The following UGT1A10 variants were observed in gnomAD, a reference collection of about 807,000 sequenced individuals.
UGT1A10 encodes UDP glucuronosyltransferase family 1 member A10, also known as UDP-glucuronosyltransferase 1A10.
In UGT1A10, 49 loss-of-function variants were observed where a neutral mutation model predicts 45.8. The observed-to-expected ratio is 1.07, with a 90% confidence interval of 0.85 to 1.36. UGT1A10 has a LOEUF of 1.36. UGT1A10 is among the 40% of genes most tolerant of loss of function. UGT1A10 has a pLI of 0.00. For synonymous variants in UGT1A10, 284 were observed against 249.7 expected, an observed-to-expected ratio of 1.14 and a Z score of -1.29; for missense variants, 745 against 668.6, an observed-to-expected ratio of 1.11 and a Z score of -1.26.
Position 233,712,979 on chromosome 2 carries a change from G to A in UGT1A10, c.856-54055G>A, listed in dbSNP as rs45540735. The A allele has an allele frequency of 3.7e-5, 59 of 1,613,170 alleles. 1 individual carries two copies. In the East Asian group the frequency reaches 7.8e-4, roughly 21 times the overall value. On this transcript the variant is annotated intron_variant, in intron 1 of 4. Transcript: ENST00000344644. Reference sequence around the variant, plus strand: ...GTGGGGTGGACAGTCAGCTGTCGGTGGCTTCTGCTGAGATGGCCACAGGAC... The same window carrying A: ...GTGGGGTGGACAGTCAGCTGTCGGTAGCTTCTGCTGAGATGGCCACAGGAC...
intron 1 of UGT1A10, among the ~76,000 whole-genome samples, chr2:233,645,328 C>A (rs1218627275): frequency 6.6e-6 from 1 of 152,148 alleles, no homozygotes; most frequent in Non-Finnish European, 1.5e-5. Context: ...GGGGACACAG[C>A]CAAACCATAT....
intron 1 of UGT1A10, among the ~76,000 whole-genome samples, chr2:233,724,704 C>T (rs867669613): frequency 2.8e-5 from 4 of 144,994 alleles, no homozygotes; most frequent in Non-Finnish European, 6.0e-5. Flanking sequence ...AGACGCTCCT[C>T]GCTTTCCAGA....
chr2:233,682,141 A>G (rs766652612), intron 1 of UGT1A10: 3 of 1,614,192 alleles, frequency 1.9e-6, no homozygotes, highest in Admixed American at 1.7e-5. Flanking sequence ...AACTGGGAAG[A>G]TCACTGAATT....
chr2:233,656,847 C>T lies in UGT1A10; in HGVS notation c.855+19470C>T, dbSNP rs2073864194. 2.6e-5 allele frequency among the ~76,000 whole-genome samples: 4 copies of T among 152,034 alleles called. No individual in the cohort carries two copies. In the South Asian group the frequency reaches 6.2e-4, roughly 24 times the overall value. ...CTTAGTATTTTCTTTTCAGTTTACA[C>T]GTTCCTGGGCATCCCTATTAAGATG... is the stretch of plus-strand genomic sequence containing the variant. On this transcript the variant is annotated intron_variant, in intron 1 of 4. Coordinates refer to ENST00000344644, the MANE Select transcript of UGT1A10 (RefSeq NM_019075.4).
At chr2:233,710,145 TATC>T (rs1430015885) in intron 1 of UGT1A10, among the ~76,000 whole-genome samples, 2 of 152,254 alleles carry the variant, frequency 1.3e-5, no homozygotes, top group African/African-American at 4.8e-5. Context: ...TGTATAGATA[TATC>T]ATCATTTGCT....
chr2:233,672,340 T>A (rs374130776), intron 1 of UGT1A10: 1 of 1,614,050 alleles, frequency 6.2e-7, no homozygotes, highest in African/African-American at 1.3e-5. Context: ...ATTAGTAGAA[T>A]ACTTAAAGGA....
chr2:233,721,867 A>G (rs1329615455), intron 1 of UGT1A10: 1 of 503,090 alleles, frequency 2.0e-6, no homozygotes, highest in African/African-American at 1.9e-5. Context: ...GGCCCTGGGC[A>G]CACTTGCCAG....
At chr2:233,749,097 G>C (rs753925486) in intron 1 of UGT1A10, among the ~76,000 whole-genome samples, 1 of 151,770 alleles carries the variant, frequency 6.6e-6, no homozygotes, top group Non-Finnish European at 1.5e-5. Context: ...TATTTCATGA[G>C]AGAATTCAGC....
At chr2:233,747,229 C>A in intron 1 of UGT1A10, 1 of 1,605,300 alleles carries the variant, frequency 6.2e-7, no homozygotes, top group Non-Finnish European at 8.5e-7. Flanking sequence ...CACAGGACCC[C>A]AGGTTCCCCT....
At chr2:233,642,877 T>A (rs1231716156) in intron 1 of UGT1A10, among the ~76,000 whole-genome samples, 1 of 152,146 alleles carries the variant, frequency 6.6e-6, no homozygotes, top group Non-Finnish European at 1.5e-5. Flanking sequence ...AGAGTCTCTC[T>A]CTCTCTCTCA....
intron 1 of UGT1A10, among the ~76,000 whole-genome samples, chr2:233,736,536 T>C (rs1265861368): frequency 6.6e-6 from 1 of 152,240 alleles, no homozygotes; most frequent in African/African-American, 2.4e-5. Flanking sequence ...TCATTCTCTT[T>C]CCAGCTTTGC....
At chr2:233,721,074 A>G (rs2076920580) in intron 1 of UGT1A10, among the ~76,000 whole-genome samples, 1 of 152,036 alleles carries the variant, frequency 6.6e-6, no homozygotes, top group African/African-American at 2.4e-5. Flanking sequence ...AATTTATATG[A>G]ACTTCCATGA....
At chr2:233,700,286 G>A (rs758279601) in intron 1 of UGT1A10, among the ~76,000 whole-genome samples, 17 of 152,194 alleles carry the variant, frequency 1.1e-4, no homozygotes, top group Admixed American at 7.9e-4. Flanking sequence ...TTTAAAATAC[G>A]TGACTTAGGC....
chr2:233,698,203 C>T (rs1223732655), intron 1 of UGT1A10, among the ~76,000 whole-genome samples: 1 of 152,214 alleles, frequency 6.6e-6, no homozygotes, highest in South Asian at 2.1e-4. Context: ...TCAACATGCA[C>T]TTTTAATTAT....
At chr2:233,719,976 C>T (rs771566532) in intron 1 of UGT1A10, among the ~76,000 whole-genome samples, 2 of 152,122 alleles carry the variant, frequency 1.3e-5, no homozygotes, top group African/African-American at 2.4e-5. Flanking sequence ...TCCTTCAGCT[C>T]GGCAGGATCA....
At chr2:233,765,397 A>G (rs1698823781) in intron 1 of UGT1A10, among the ~76,000 whole-genome samples, 1 of 152,238 alleles carries the variant, frequency 6.6e-6, no homozygotes, top group South Asian at 2.1e-4. Context: ...AAAATGTGGT[A>G]CATATACACC....
At chr2:233,760,982 C>T (rs147640261) in intron 1 of UGT1A10, 5 of 1,614,220 alleles carry the variant, frequency 3.1e-6, no homozygotes, top group Non-Finnish European at 4.2e-6. Flanking sequence ...CCGTATGCAA[C>T]CCTTGCCTCA....
chr2:233,719,335 T>C lies in UGT1A10; in HGVS notation c.856-47699T>C, dbSNP rs759894236. 4 of 1,613,958 alleles carry C rather than the reference T, an allele frequency of 2.5e-6. No individual in the cohort carries two copies. In the Admixed American group the frequency reaches 6.7e-5, roughly 27 times the overall value. On this transcript the variant is annotated intron_variant, in intron 1 of 4. Transcript: ENST00000344644. ...TACCTGTCGATTCCTGCTGTGTTTT[T>C]TTGGAGGTACATTCCATGTGACTTA...
At chr2:233,734,900 C>T (rs1027588472) in intron 1 of UGT1A10, among the ~76,000 whole-genome samples, 1 of 152,158 alleles carries the variant, frequency 6.6e-6, no homozygotes, top group Admixed American at 6.5e-5. Flanking sequence ...GATTTCTATT[C>T]TTTTACATTT....
Sources: allele counts gnomAD v4.1 joint callset (sites outside exome capture counted in the v4.1 genomes callset), GRCh38; gene constraint gnomAD v4.1.1; transcripts MANE v1.5; gene names NCBI Gene and HGNC (gene_info 2026-07-23, HGNC 2026-07-21).